The following CRPPA variants were observed in gnomAD, a reference collection of about 807,000 sequenced individuals.
The protein encoded by CRPPA is CDP-L-ribitol pyrophosphorylase A.
In CRPPA, 43 loss-of-function variants were observed where a neutral mutation model predicts 52.0. That is an observed-to-expected ratio of 0.83 (90% CI 0.65 to 1.07). The LOEUF is 1.07. CRPPA is among the 50% of genes least tolerant of loss of function. CRPPA has a pLI of 0.00. For synonymous variants in CRPPA, 250 were observed against 203.5 expected (o/e 1.23, Z -1.94); for missense variants, 629 against 551.7 (o/e 1.14, Z -1.40).
chr7:16,347,884 G>C (rs1786055089), intron 3 of CRPPA, among the ~76,000 whole-genome samples: 1 of 152,010 alleles, frequency 6.6e-6, no homozygotes, highest in South Asian at 2.1e-4. Context: ...CCAATGCAGG[G>C]AGTGAAGAGG....
At chr7:16,405,731 A>G (rs887860629) in intron 2 of CRPPA, among the ~76,000 whole-genome samples, 1 of 152,164 alleles carries the variant, frequency 6.6e-6, no homozygotes, top group Non-Finnish European at 1.5e-5. Context: ...TATTATACAT[A>G]TCCTTTACTT....
At chr7:16,283,279 T>C (rs1784355776) in intron 5 of CRPPA, among the ~76,000 whole-genome samples, 1 of 140,796 alleles carries the variant, frequency 7.1e-6, no homozygotes, top group Non-Finnish European at 1.6e-5. Flanking sequence ...TGATACTATC[T>C]ATAGAGATCT....
At chr7:16,260,908 A>ATT (rs1411112718) in intron 6 of CRPPA, among the ~76,000 whole-genome samples, 1 of 152,084 alleles carries the variant, frequency 6.6e-6, no homozygotes, top group Non-Finnish European at 1.5e-5. Context: ...TAAAAACAAA[A>ATT]ACAAAACTTT....
intron 3 of CRPPA, among the ~76,000 whole-genome samples, chr7:16,334,090 C>G (rs1785620913): frequency 6.6e-6 from 1 of 152,024 alleles, no homozygotes; most frequent in Non-Finnish European, 1.5e-5. Flanking sequence ...TGAGGGCCAC[C>G]AACTCATGGA....
intron 3 of CRPPA, among the ~76,000 whole-genome samples, chr7:16,352,423 TA>T (rs895017363): frequency 5.0e-4 from 70 of 140,900 alleles, no homozygotes; most frequent in African/African-American, 1.6e-3. Context: ...ACAAAAAATT[TA>T]AAAAAAAAAT....
In CRPPA at chr7:16,383,731, T is replaced by C. The variant is rs534974415; in HGVS notation, c.535-7490A>G. ...CCCCTCCCCCAGCCTCGCTGCCACCTTGCAGTTTGATCTCAGACTGCTGCG... is the reference window on the plus strand; with the variant it reads ...CCCCTCCCCCAGCCTCGCTGCCACCCTGCAGTTTGATCTCAGACTGCTGCG... On this transcript the variant is annotated intron_variant, in intron 2 of 9. Transcript: ENST00000407010. Among the ~76,000 whole-genome samples, 9 of 152,340 alleles carry C rather than the reference T, an allele frequency of 5.9e-5. No individual in the cohort carries two copies. In the East Asian group the frequency reaches 1.6e-3, roughly 26 times the overall value.
At position 16,335,251 on chromosome 7, in the gene CRPPA, G is replaced by A. The variant is rs187532378; in HGVS notation, c.685-26624C>T. 6.3e-3 allele frequency among the ~76,000 whole-genome samples: 951 copies of A among 152,008 alleles called. 8 individuals carry two copies. The highest frequency in any genetic ancestry group is 9.4e-3 in the Non-Finnish European group (636 of 67,964). ...GGTCCCAGCTACTCAGGAGGCTGAG[G>A]CAGGAGGATAACTGTAACTTGACCG... On this transcript the variant is annotated intron_variant, in intron 3 of 9. Coordinates refer to ENST00000407010, the MANE Select transcript of CRPPA (RefSeq NM_001101426.4).
intron 1 of CRPPA, 49 bp downstream of exon 1, chr7:16,421,017 G>A (rs953946946): frequency 1.2e-5 from 15 of 1,259,692 alleles, no homozygotes; most frequent in Non-Finnish European, 1.4e-5. Context: ...GGCGGGGAGC[G>A]GGAGGCCGGG....
chr7:16,232,552 G>T (rs1782828704), intron 8 of CRPPA, among the ~76,000 whole-genome samples: 1 of 151,914 alleles, frequency 6.6e-6, no homozygotes, highest in African/African-American at 2.4e-5. Context: ...TTTATAAATT[G>T]CCCAGTTCAT....
intron 3 of CRPPA, among the ~76,000 whole-genome samples, chr7:16,359,356 C>T (rs559874113): frequency 5.9e-5 from 9 of 152,204 alleles, no homozygotes; most frequent in Non-Finnish European, 7.3e-5. Flanking sequence ...ATGTAATTCA[C>T]AGCGTGATCA....
intron 3 of CRPPA, among the ~76,000 whole-genome samples, chr7:16,325,342 T>C (rs865967963): frequency 1.3e-5 from 2 of 152,252 alleles, no homozygotes; most frequent in South Asian, 4.1e-4. Flanking sequence ...AAATTAAAAA[T>C]AGATTTGTCA....
intron 2 of CRPPA, among the ~76,000 whole-genome samples, chr7:16,382,492 G>T (rs1248109391): frequency 6.6e-6 from 1 of 152,118 alleles, no homozygotes; most frequent in Non-Finnish European, 1.5e-5. Flanking sequence ...TTCTTGAGGA[G>T]TATCTTTGTG....
At chr7:16,128,112 C>G (rs1290133124) in intron 9 of CRPPA, among the ~76,000 whole-genome samples, 1 of 152,050 alleles carries the variant, frequency 6.6e-6, no homozygotes, top group Non-Finnish European at 1.5e-5. Flanking sequence ...TGAACACACA[C>G]TGGGCCCTGC....
At position 16,375,916 on chromosome 7, in the gene CRPPA, G is replaced by T. The variant is rs185390963; in HGVS notation, c.684+176C>A. Reference sequence around the variant, plus strand: ...CCTGCAAACGGATCCTCAACATTCTGCCTGCATCTCTCTCTTCTGATCCAG... The same window carrying T: ...CCTGCAAACGGATCCTCAACATTCTTCCTGCATCTCTCTCTTCTGATCCAG... On this transcript the variant is annotated intron_variant, in intron 3 of 9. Coordinates refer to ENST00000407010, the MANE Select transcript of CRPPA (RefSeq NM_001101426.4). Among the ~76,000 whole-genome samples, 14 of 152,270 alleles carry T rather than the reference G, an allele frequency of 9.2e-5. No homozygotes were observed. In the East Asian group the frequency reaches 2.7e-3, roughly 29 times the overall value.
intron 3 of CRPPA, among the ~76,000 whole-genome samples, chr7:16,334,807 C>T (rs1353678337): frequency 6.6e-6 from 1 of 152,096 alleles, no homozygotes; most frequent in Non-Finnish European, 1.5e-5. Context: ...TCATCAGTGG[C>T]CCCATCCAAA....
At chr7:16,369,158 G>A (rs1023208486) in intron 3 of CRPPA, among the ~76,000 whole-genome samples, 3 of 152,044 alleles carry the variant, frequency 2.0e-5, no homozygotes, top group African/African-American at 4.8e-5. Flanking sequence ...TGGGAGCATC[G>A]GCAAGCTACT....
chr7:16,265,074 G>A (rs1268840224), intron 6 of CRPPA, among the ~76,000 whole-genome samples: 1 of 152,160 alleles, frequency 6.6e-6, no homozygotes, highest in African/African-American at 2.4e-5. Context: ...TGTCCTCGTA[G>A]AAGGCTTTAA....
intron 3 of CRPPA, among the ~76,000 whole-genome samples, chr7:16,343,096 A>G (rs1472719360): frequency 6.6e-6 from 1 of 151,982 alleles, no homozygotes; most frequent in Non-Finnish European, 1.5e-5. Flanking sequence ...AAAATCAAAT[A>G]ATAAGTTACA....
intron 9 of CRPPA, among the ~76,000 whole-genome samples, chr7:16,140,651 T>C (rs1455148652): frequency 1.3e-5 from 2 of 152,344 alleles, no homozygotes; most frequent in African/African-American, 4.8e-5. Context: ...CAATCTTGTA[T>C]AGAAAGCCCT....
Sources: allele counts gnomAD v4.1 joint callset (sites outside exome capture counted in the v4.1 genomes callset), GRCh38; gene constraint gnomAD v4.1.1; transcripts MANE v1.5; gene names NCBI Gene and HGNC (gene_info 2026-07-23, HGNC 2026-07-21).